SLC16A2: variants seen among roughly 807,000 people sequenced by gnomAD.
SLC16A2 encodes solute carrier family 16 member 2.
SLC16A2 carries 3 observed loss-of-function variants against 27.2 expected under a neutral mutation model. That is an observed-to-expected ratio of 0.11 (90% CI 0.05 to 0.28). SLC16A2 has a LOEUF of 0.28. SLC16A2 is among the 10% of genes least tolerant of loss of function. SLC16A2 has a pLI of 1.00. For synonymous variants in SLC16A2, 202 were observed against 187.8 expected, an observed-to-expected ratio of 1.08 and a Z score of -0.62; for missense variants, 295 against 458.5, an observed-to-expected ratio of 0.64 and a Z score of 3.26.
intron 1 of SLC16A2, among the ~76,000 whole-genome samples, chrX:74,467,330 C>T (rs751327423): frequency 1.3e-4 from 14 of 111,467 alleles, no homozygotes; most frequent in African/African-American, 4.6e-4. Flanking sequence ...GGGTCTAAGG[C>T]TAAGGGGGGG....
chrX:74,484,219 G>A (rs1359110938), intron 1 of SLC16A2, among the ~76,000 whole-genome samples: 1 of 112,329 alleles, frequency 8.9e-6, no homozygotes. Flanking sequence ...TGCCCAAGAT[G>A]GTGAAAGTGC....
intron 1 of SLC16A2, among the ~76,000 whole-genome samples, chrX:74,453,231 C>T (rs1928976146): frequency 9.1e-6 from 1 of 110,279 alleles, no homozygotes; most frequent in Non-Finnish European, 1.9e-5. Context: ...GACGGGGTGT[C>T]GCTATGTTGA....
chrX:74,459,320 G>GC (rs1306288699), intron 1 of SLC16A2, among the ~76,000 whole-genome samples: 2 of 63,744 alleles, frequency 3.1e-5, no homozygotes, highest in Non-Finnish European at 6.4e-5. Context: ...TGAGGCCAGT[G>GC]CCCCCCCAGG....
At chrX:74,455,990 G>T (rs1929036517) in intron 1 of SLC16A2, among the ~76,000 whole-genome samples, 2 of 112,196 alleles carry the variant, frequency 1.8e-5, no homozygotes, top group African/African-American at 6.5e-5. Flanking sequence ...AGAGAAGGAA[G>T]AAGCAAGGTC....
intron 1 of SLC16A2, among the ~76,000 whole-genome samples, chrX:74,425,796 T>G (rs941545259): frequency 1.2e-4 from 13 of 111,902 alleles, no homozygotes; most frequent in African/African-American, 3.9e-4. Context: ...GAGTAAAACT[T>G]GACTGCCGGT....
intron 1 of SLC16A2, among the ~76,000 whole-genome samples, chrX:74,520,299 G>C (rs1047303309): frequency 6.3e-5 from 7 of 111,461 alleles, no homozygotes; most frequent in Non-Finnish European, 1.3e-4. Context: ...ACAGCCTTCA[G>C]ACGAAATAAA....
chrX:74,479,523 G>T (rs1251949721), intron 1 of SLC16A2, among the ~76,000 whole-genome samples: 1 of 112,494 alleles, frequency 8.9e-6, no homozygotes, highest in Non-Finnish European at 1.9e-5. Flanking sequence ...TCCATTGCTG[G>T]TGAGGAGGTG....
In SLC16A2 at chrX:74,529,221, C is replaced by T; in HGVS notation, c.1179C>T (p.Ser393=). Residue 393 remains serine, a synonymous_variant, in exon 5 of 6, where the codon TCC becomes TCT. Coordinates refer to ENST00000587091, the MANE Select transcript of SLC16A2 (RefSeq NM_006517.5). The part of the protein sequence containing the change: ...GLKKIYLQVL[S]FLLLGLMSMM... ...GGCCCTTGTTTCTCCAGGTCCTTTC[C>T]TTCCTGCTCCTGGGCCTGATGTCCA... 2.5e-6 allele frequency: 3 copies of T among 1,210,150 alleles called. No homozygotes were observed. The highest frequency in any genetic ancestry group is 3.4e-6 in the Non-Finnish European group (3 of 894,007).
At chrX:74,474,380 A>G (rs1020561732) in intron 1 of SLC16A2, among the ~76,000 whole-genome samples, 1 of 111,353 alleles carries the variant, frequency 9.0e-6, no homozygotes, top group African/African-American at 3.3e-5. Flanking sequence ...TTGCTAGTAT[A>G]TAGAAATGTA....
At chrX:74,483,405 A>T (rs1929661398) in intron 1 of SLC16A2, among the ~76,000 whole-genome samples, 1 of 111,738 alleles carries the variant, frequency 8.9e-6, no homozygotes, top group Non-Finnish European at 1.9e-5. Flanking sequence ...GGTTCTTCTT[A>T]GCTTTTTCTC....
At chrX:74,425,983 T>C (rs1440622907) in intron 1 of SLC16A2, among the ~76,000 whole-genome samples, 1 of 111,714 alleles carries the variant, frequency 9.0e-6, no homozygotes, top group African/African-American at 3.3e-5. Flanking sequence ...TGGTCCACTC[T>C]GATGGAAACA....
rs756946571 is a variant in SLC16A2 at position 74,532,373 on chromosome X, A to T, written c.*820A>T. On this transcript the variant is annotated 3_prime_UTR_variant, in exon 6 of 6. Transcript: ENST00000587091. ...TCCTAGACTGGAAGAGTAGAATATC[A>T]TATAGGGAAGAAACCTTAAACACCA... 1 of 112,394 alleles carries T rather than the reference A, an allele frequency of 8.9e-6. No individual in the cohort carries two copies. The highest frequency in any genetic ancestry group is 3.2e-5 in the African/African-American group (1 of 30,809). 9.3% of individuals were successfully genotyped at this position (112,394 alleles called of 1,213,427 possible).
At chrX:74,519,750 A>AAAAAAAAAAAC (rs1569298945) in intron 1 of SLC16A2, among the ~76,000 whole-genome samples, 2 of 75,939 alleles carry the variant, frequency 2.6e-5, no homozygotes, top group African/African-American at 4.0e-5. Flanking sequence ...AACGAAAGAA[A>AAAAAAAAAAAC]GAAAAAGAAA....
chrX:74,499,888 G>A (rs1483547924), intron 1 of SLC16A2, among the ~76,000 whole-genome samples: 1 of 111,639 alleles, frequency 9.0e-6, no homozygotes, highest in African/African-American at 3.3e-5. Flanking sequence ...AAAGTCTCCA[G>A]CAAAGAGAGT....
At chrX:74,505,623 A>G (rs1182166203) in intron 1 of SLC16A2, among the ~76,000 whole-genome samples, 1 of 112,086 alleles carries the variant, frequency 8.9e-6, no homozygotes, top group Non-Finnish European at 1.9e-5. Context: ...TGGAGCCAAC[A>G]TTAGTGCTTG....
chrX:74,434,491 G>T (rs1255165718), intron 1 of SLC16A2, among the ~76,000 whole-genome samples: 1 of 111,086 alleles, frequency 9.0e-6, no homozygotes, highest in Non-Finnish European at 1.9e-5. Flanking sequence ...GGGTGGAGGG[G>T]CAGGAGGAGA....
chrX:74,520,251 T>C (rs1417607397), intron 1 of SLC16A2, among the ~76,000 whole-genome samples: 1 of 111,279 alleles, frequency 9.0e-6, no homozygotes, highest in Non-Finnish European at 1.9e-5. Flanking sequence ...CGAAGATTAT[T>C]TGGCGGAGAA....
intron 1 of SLC16A2, among the ~76,000 whole-genome samples, chrX:74,454,111 A>C (rs1384161040): frequency 9.0e-6 from 1 of 111,564 alleles, no homozygotes; most frequent in Non-Finnish European, 1.9e-5. Context: ...TACTCGAGAC[A>C]TAATTCTACC....
At chrX:74,464,191 A>C (rs753494088) in intron 1 of SLC16A2, among the ~76,000 whole-genome samples, 1 of 112,206 alleles carries the variant, frequency 8.9e-6, no homozygotes, top group East Asian at 2.8e-4. Context: ...GTTGATGGGC[A>C]GTTGGGTTGT....
Sources: gnomAD v4.1 joint callset for allele counts (sites outside exome capture counted in the v4.1 genomes callset) on GRCh38, gnomAD v4.1.1 for gene constraint, MANE v1.5 for transcripts, NCBI Gene and HGNC (gene_info 2026-07-23, HGNC 2026-07-21) for gene names.